METTL27: variants seen among roughly 807,000 people sequenced by gnomAD.
METTL27 encodes methyltransferase-like protein 27.
Under a neutral mutation model 24.5 loss-of-function variants are expected in METTL27, and 29 were observed. The ratio of observed to expected loss-of-function variants is 1.18; its 90% CI spans 0.88 to 1.61. The LOEUF is 1.61. Ranked by LOEUF, METTL27 falls within the 40% of genes most tolerant of loss-of-function variation. The probability of loss-of-function intolerance (pLI) is 0.00; values close to 1 mark genes in which losing one functional copy is unlikely to be tolerated. For missense variants in METTL27, 341 were observed against 324.3 expected, an observed-to-expected ratio of 1.05 and a Z score of -0.40; for synonymous variants, 138 against 146.8, an observed-to-expected ratio of 0.94 and a Z score of 0.43.
rs1554636685 is a variant in METTL27, at chr7:73,842,478, G to A, written c.-5+12C>T. 1.4e-5 allele frequency: 4 copies of A among 284,880 alleles called. No individual in the cohort carries two copies. The highest frequency in any genetic ancestry group is 5.4e-5 in the Admixed American group (1 of 18,666). 17.6% of individuals were successfully genotyped at this position (284,880 alleles called of 1,614,324 possible). On this transcript the variant is annotated intron_variant, in intron 1 of 5. Coordinates refer to ENST00000297873, the MANE Select transcript of METTL27 (RefSeq NM_152559.3). ...CGAAACGGTCTCGAAGGAGGCCGGA[G>A]TCAGAACTCACCGCCAATCCAGCGC...
At chr7:73,839,387 T>C (rs1356052247) in intron 5 of METTL27, among the ~76,000 whole-genome samples, 1 of 152,018 alleles carries the variant, frequency 6.6e-6, no homozygotes, top group East Asian at 1.9e-4. Context: ...TGGGCCCCAG[T>C]GGGTTGGAGA....
At chr7:73,837,875 G>T (rs1339903523) in intron 5 of METTL27, among the ~76,000 whole-genome samples, 3 of 151,440 alleles carry the variant, frequency 2.0e-5, no homozygotes, top group Non-Finnish European at 4.4e-5. Flanking sequence ...CTTGAGATAG[G>T]ATCTCACCCT....
intron 1 of METTL27, 124 bp downstream of exon 1, chr7:73,842,366 G>A: frequency 3.1e-6 from 2 of 649,240 alleles, no homozygotes; most frequent in Non-Finnish European, 4.8e-6. Context: ...GTGGGAGAAG[G>A]GGGTGCCCCG....
intron 5 of METTL27, among the ~76,000 whole-genome samples, chr7:73,835,287 T>G (rs1788136466): frequency 6.9e-6 from 1 of 144,188 alleles, no homozygotes; most frequent in Non-Finnish European, 1.5e-5. Flanking sequence ...GAAGCTGGAC[T>G]GTACTGCTGC....
At chr7:73,835,139 C>T in intron 5 of METTL27, 137 bp from the exon 6 acceptor site, 1 of 1,323,454 alleles carries the variant, frequency 7.6e-7, no homozygotes, top group Non-Finnish European at 9.8e-7. Context: ...CTCCCTCTCC[C>T]TCTCCCTCTC....
chr7:73,834,800 T>G lies in METTL27; in HGVS notation c.681A>C (p.Ser227=). The G allele has an allele frequency of 6.2e-7, 1 of 1,614,140 alleles. No individual in the cohort carries two copies. The part of the protein sequence containing the change: ...WYPASLPRMA[S]SPALSTCTES... ...CGGTACAGGTAGACAATGCCGGAGA[T>G]GAAGCCATCCTTGGCAGAGATGCCG... The change falls in exon 6 of 6, where the codon TCA becomes TCC. Residue 227 remains serine (S), a synonymous_variant. Coordinates refer to ENST00000297873, the MANE Select transcript of METTL27 (RefSeq NM_152559.3).
intron 5 of METTL27, 108 bp downstream of exon 5, chr7:73,839,923 G>A (rs781937978): frequency 1.8e-5 from 18 of 1,008,586 alleles, no homozygotes; most frequent in Admixed American, 3.0e-5. Context: ...TGGGCAGGAC[G>A]CTGCCCCTCG....
At chr7:73,840,205 G>C in intron 4 of METTL27, 85 bp from the exon 5 acceptor site, 1 of 1,496,596 alleles carries the variant, frequency 6.7e-7, no homozygotes, top group South Asian at 1.3e-5. Context: ...CCACCCTAGG[G>C]GTGGGACGAG....
At chr7:73,838,792 C>T (rs968947255) in intron 5 of METTL27, among the ~76,000 whole-genome samples, 1 of 151,794 alleles carries the variant, frequency 6.6e-6, no homozygotes, top group African/African-American at 2.4e-5. Context: ...CCTGCCCAGA[C>T]CTGCCCAGGC....
Position 73,834,847 on chromosome 7 carries a change from G to A in METTL27, c.634C>T (p.Pro212Ser), listed in dbSNP as rs782271355. 3 of 1,614,114 alleles carry A rather than the reference G, an allele frequency of 1.9e-6. No homozygotes were observed. Among genetic ancestry groups the A allele is most frequent in the Admixed American group, 1.7e-5 (1 of 60,028 alleles). ...DRLWTAGSWL[P>S]PSWRWYPASL... Reference sequence around the variant, plus strand: ...GCCGGATACCACCTCCAGCTCGGAGGTAGCCAGCTCCCAGCGGTCCACAGG... The same window carrying A: ...GCCGGATACCACCTCCAGCTCGGAGATAGCCAGCTCCCAGCGGTCCACAGG... Residue 212 changes from proline to serine, a missense_variant, in exon 6 of 6, where the codon CCT becomes TCT. Coordinates refer to ENST00000297873, the MANE Select transcript of METTL27 (RefSeq NM_152559.3).
chr7:73,834,898 C>T lies in METTL27; in HGVS notation c.583G>A (p.Gly195Ser). ...DRLEQAGMWE[G>S]LVAWPVDRLW... ...CGGTCCACAGGCCAGGCCACCAGGC[C>T]TTCCCACATCCCAGCCTGCTCCAGC... Residue 195 changes from glycine (G) to serine (S), a missense_variant, in exon 6 of 6, where the codon GGC (glycine) becomes AGC (serine). Coordinates refer to ENST00000297873, the MANE Select transcript of METTL27 (RefSeq NM_152559.3). 1.9e-6 allele frequency: 3 copies of T among 1,614,088 alleles called. No homozygotes were observed. Among genetic ancestry groups the T allele is most frequent in the Admixed American group, 1.7e-5 (1 of 60,026 alleles).
Position 73,840,699 on chromosome 7 carries a change from C to T in METTL27, c.253-150G>A, listed in dbSNP as rs1187949225. 3 of 1,206,596 alleles carry T rather than the reference C, an allele frequency of 2.5e-6. No individual in the cohort carries two copies. In the African/African-American group the frequency reaches 4.6e-5, roughly 19 times the overall value. The allele number at this position is 1,206,596 out of a possible 1,614,324, so 74.7% of individuals were successfully genotyped here. A position where few individuals can be genotyped will look rare whatever the true frequency, so the allele number is the denominator to read the frequency against. ...TTTGAGACAAGGTCTCTCTCTGTCG[C>T]CCAAACTGGAGTGCAGTGGCGTGAT... On this transcript the variant is annotated intron_variant, in intron 3 of 5. Transcript: ENST00000297873.
At chr7:73,835,243 C>T (rs1360809739) in intron 5 of METTL27, among the ~76,000 whole-genome samples, 5 of 143,918 alleles carry the variant, frequency 3.5e-5, no homozygotes, top group Non-Finnish European at 7.7e-5. Flanking sequence ...CTCCCTCTCC[C>T]TCTCTTTCCA....
intron 5 of METTL27, among the ~76,000 whole-genome samples, chr7:73,835,803 G>A (rs1554635030): frequency 9.5e-6 from 1 of 105,326 alleles, no homozygotes; most frequent in East Asian, 2.8e-4. Flanking sequence ...CATCTAGGAA[G>A]TGAGGAGCGT....
intron 5 of METTL27, among the ~76,000 whole-genome samples, chr7:73,837,471 C>T (rs1232792128): frequency 1.4e-5 from 2 of 141,870 alleles, no homozygotes; most frequent in Non-Finnish European, 3.1e-5. Flanking sequence ...ATTAATGTTC[C>T]AATAAAAAAA....
At chr7:73,840,245 C>G (rs1293398728) in intron 4 of METTL27, 125 bp from the exon 5 acceptor site, 2 of 1,451,348 alleles carry the variant, frequency 1.4e-6, no homozygotes, top group Non-Finnish European at 1.9e-6. Flanking sequence ...GGACCCAGGT[C>G]CCCTAGAGGA....
Position 73,842,001 on chromosome 7 carries a change from G to A in METTL27, c.123+17C>T. 6.2e-7 allele frequency: 1 copy of A among 1,614,058 alleles called. No homozygotes were observed. Among genetic ancestry groups the A allele is most frequent in the Non-Finnish European group, 8.5e-7 (1 of 1,179,962 alleles). ...TGGAGGCTGGTCTAGTGGAGGCAAG[G>A]CCCCAAATGAGTTTACCTGGTCGTA... On this transcript the variant is annotated intron_variant, in intron 2 of 5. Transcript: ENST00000297873.
intron 5 of METTL27, among the ~76,000 whole-genome samples, chr7:73,835,973 C>T (rs1205422016): frequency 6.7e-6 from 1 of 148,282 alleles, no homozygotes; most frequent in Non-Finnish European, 1.5e-5. Flanking sequence ...GCCCCTCCGC[C>T]TGGCAGCCGC....
At chr7:73,841,442 A>G (rs1224702788) in intron 2 of METTL27, among the ~76,000 whole-genome samples, 1 of 151,136 alleles carries the variant, frequency 6.6e-6, no homozygotes, top group Non-Finnish European at 1.5e-5. Context: ...TCTCCTGGCC[A>G]AGCGGCTCTC....
Sources: gnomAD v4.1 joint callset for allele counts (sites outside exome capture counted in the v4.1 genomes callset) on GRCh38, gnomAD v4.1.1 for gene constraint, MANE v1.5 for transcripts, NCBI Gene and HGNC (gene_info 2026-07-23, HGNC 2026-07-21) for gene names.